Variants in GRM7 observed in about 807,000 individuals in gnomAD.
GRM7 encodes the protein glutamate metabotropic receptor 7.
In GRM7, 35 loss-of-function variants were observed where a neutral mutation model predicts 84.5. The ratio of observed to expected loss-of-function variants is 0.41; its 90% CI spans 0.32 to 0.55. The LOEUF (loss-of-function observed/expected upper bound fraction) is 0.55, where lower values mean the gene tolerates loss of function less well. GRM7 is among the 20% of genes least tolerant of loss of function. The pLI, the probability that GRM7 is intolerant of heterozygous loss-of-function variation, is 0.19. For missense variants in GRM7, 1,003 were observed against 1,194.6 expected, an observed-to-expected ratio of 0.84 and a Z score of 2.36; for synonymous variants, 487 against 455.1, an observed-to-expected ratio of 1.07 and a Z score of -0.89.
chr3:7,218,850 T>C (rs1373267952), intron 2 of GRM7, among the ~76,000 whole-genome samples: 4 of 152,068 alleles, frequency 2.6e-5, no homozygotes, highest in African/African-American at 9.7e-5. Context: ...ATTTTACTTA[T>C]TATTTTTAAC....
chr3:7,616,944 C>G (rs753977718), intron 8 of GRM7, among the ~76,000 whole-genome samples: 1 of 152,002 alleles, frequency 6.6e-6, no homozygotes, highest in African/African-American at 2.4e-5. Context: ...TGGAATTAAA[C>G]TAAGTCTAAA....
chr3:7,458,217 G>T (rs1491000551), intron 6 of GRM7, among the ~76,000 whole-genome samples: 3 of 152,108 alleles, frequency 2.0e-5, no homozygotes, highest in Non-Finnish European at 4.4e-5. Context: ...AGTACAATCT[G>T]TTATCTGTCC....
chr3:7,229,759 A>ATTTTTTTTTT (rs1200808989), intron 2 of GRM7, among the ~76,000 whole-genome samples: 20 of 30,422 alleles, frequency 6.6e-4, no homozygotes, highest in African/African-American at 2.3e-3. Flanking sequence ...ATATATATAT[A>ATTTTTTTTTT]TTTTTTTTTT....
intron 7 of GRM7, among the ~76,000 whole-genome samples, chr3:7,497,948 T>C (rs538886477): frequency 2.0e-5 from 3 of 152,296 alleles, no homozygotes; most frequent in African/African-American, 7.2e-5. Flanking sequence ...CAATAATAAT[T>C]GTATTATTGA....
At chr3:7,029,513 ATTC>A (rs1696112162) in intron 1 of GRM7, among the ~76,000 whole-genome samples, 1 of 152,202 alleles carries the variant, frequency 6.6e-6, no homozygotes, top group South Asian at 2.1e-4. Flanking sequence ...GCAATGAAAT[ATTC>A]TTCTGTCTAA....
intron 7 of GRM7, among the ~76,000 whole-genome samples, chr3:7,574,915 T>C (rs998028485): frequency 2.7e-5 from 4 of 149,964 alleles, no homozygotes; most frequent in African/African-American, 9.8e-5. Context: ...CCAAATGAAA[T>C]CTTTTGTTCC....
At position 7,458,910 on chromosome 3, in the gene GRM7, C is replaced by T. The variant is rs376429867; in HGVS notation, c.1376-2673C>T. On this transcript the variant is annotated intron_variant, in intron 6 of 9. Transcript: ENST00000357716. ...AGGATTCTCATTTCTTTGCTAATAA[C>T]ATGTGAAATCCAGATTTTATTTCTT... Among the ~76,000 whole-genome samples the T allele has an allele frequency of 1.4e-4, 21 of 152,296 alleles. No homozygotes were observed. The East Asian group carries it at 1.9e-3, about 14-fold the overall frequency.
At chr3:7,458,750 A>G (rs2124903155) in intron 6 of GRM7, among the ~76,000 whole-genome samples, 1 of 152,240 alleles carries the variant, frequency 6.6e-6, no homozygotes, top group Admixed American at 6.5e-5. Context: ...TCTCCTCTCA[A>G]AGACTATGAA....
At chr3:7,538,989 C>T (rs1397524436) in intron 7 of GRM7, among the ~76,000 whole-genome samples, 1 of 76,686 alleles carries the variant, frequency 1.3e-5, no homozygotes, top group Non-Finnish European at 3.2e-5. Flanking sequence ...GAACTCTCAG[C>T]AGCCCCACAC....
intron 7 of GRM7, among the ~76,000 whole-genome samples, chr3:7,472,835 C>T: frequency 6.6e-6 from 1 of 152,200 alleles, no homozygotes; most frequent in East Asian, 1.9e-4. Context: ...TTCAATCCCC[C>T]TACCCCCACT....
rs150746599 is a variant in GRM7, at chr3:7,188,101, T to C, written c.736+41433T>C. On this transcript the variant is annotated intron_variant, in intron 2 of 9. Transcript: ENST00000357716. The surrounding 1 kb of genome is among the most constrained non-coding windows in gnomAD (Gnocchi z 4.2). ...ATGATGTGGGGTGGGTATTGGCTAT[T>C]ATACTTAGCATTATACTTGGGCAGG... 4.2e-4 allele frequency among the ~76,000 whole-genome samples: 64 copies of C among 152,256 alleles called. No individual in the cohort carries two copies. The highest frequency in any genetic ancestry group is 1.5e-3 in the African/African-American group (63 of 41,560).
chr3:7,628,871 C>A (rs931156724), intron 8 of GRM7, among the ~76,000 whole-genome samples: 1 of 152,176 alleles, frequency 6.6e-6, no homozygotes, highest in Non-Finnish European at 1.5e-5. Context: ...ACAATGACTG[C>A]TTAGCTGCGT....
At position 7,539,992 on chromosome 3, in the gene GRM7, T is replaced by C. The variant is rs898747563; in HGVS notation, c.1516-38430T>C. Among the ~76,000 whole-genome samples the C allele has an allele frequency of 1.2e-4, 19 of 152,322 alleles. No homozygotes were observed. In the East Asian group the frequency reaches 3.5e-3, roughly 28 times the overall value. On this transcript the variant is annotated intron_variant, in intron 7 of 9. Transcript: ENST00000357716. ...GTACTTTTATTTCTATTATATTAAA[T>C]GTTCCTTTTAATAACTTTGCAAAAT... is the stretch of plus-strand genomic sequence containing the variant.
intron 1 of GRM7, among the ~76,000 whole-genome samples, chr3:6,886,362 G>A (rs1247495683): frequency 2.6e-5 from 4 of 152,142 alleles, no homozygotes; most frequent in Admixed American, 1.3e-4. Flanking sequence ...AGGGGCTGGG[G>A]TAGGGATAGC....
chr3:7,302,182 A>G (rs1700025278), intron 3 of GRM7, among the ~76,000 whole-genome samples: 1 of 152,150 alleles, frequency 6.6e-6, no homozygotes, highest in Non-Finnish European at 1.5e-5. Context: ...ATCACAAACA[A>G]TAATTTTAAA....
chr3:7,659,027 G>A (rs1035602647), intron 8 of GRM7, among the ~76,000 whole-genome samples: 21 of 152,128 alleles, frequency 1.4e-4, no homozygotes, highest in Non-Finnish European at 4.4e-5. Context: ...TAAAATAGTG[G>A]AAGCAATTCC....
Position 7,395,735 on chromosome 3 carries a change from C to A in GRM7, c.1034-19288C>A, listed in dbSNP as rs532248349. On this transcript the variant is annotated intron_variant, in intron 4 of 9. Coordinates refer to ENST00000357716, the MANE Select transcript of GRM7 (RefSeq NM_000844.4). ...TTCGCTTTCCACCATGATTATGAGG[C>A]CTCCCCAGTCATATGGAATTGTGAG... Among the ~76,000 whole-genome samples the A allele has an allele frequency of 2.0e-5, 3 of 152,266 alleles. No individual in the cohort carries two copies. The South Asian group carries it at 6.2e-4, about 32-fold the overall frequency.
At chr3:7,258,175 A>T (rs1698278538) in intron 2 of GRM7, among the ~76,000 whole-genome samples, 1 of 152,012 alleles carries the variant, frequency 6.6e-6, no homozygotes, top group Non-Finnish European at 1.5e-5. Flanking sequence ...TTTTTCTTTA[A>T]ATTTAAACCT....
intron 8 of GRM7, among the ~76,000 whole-genome samples, chr3:7,677,284 A>AAAC (rs1553635850): frequency 6.7e-6 from 1 of 149,244 alleles, no homozygotes; most frequent in African/African-American, 2.5e-5. Context: ...AAAAAAAAAA[A>AAAC]AAAAAAAAAA....
Sources: gnomAD v4.1 joint callset for allele counts (sites outside exome capture counted in the v4.1 genomes callset) on GRCh38, gnomAD v4.1.1 for gene constraint, Gnocchi (gnomAD v3.1) non-coding constraint, MANE v1.5 for transcripts, NCBI Gene and HGNC (gene_info 2026-07-23, HGNC 2026-07-21) for gene names.